The following TCF4 variants were observed in gnomAD, a reference collection of about 807,000 sequenced individuals.
The protein encoded by TCF4 is transcription factor 4, also known as SL3-3 enhancer factor 2.
In TCF4, 3 loss-of-function variants were observed where a neutral mutation model predicts 82.1. That is an observed-to-expected ratio of 0.04 (90% confidence interval 0.02 to 0.09). The LOEUF is 0.09. TCF4 is among the 10% of genes least tolerant of loss of function. TCF4 has a pLI of 1.00. For missense variants in TCF4, 518 were observed against 852.7 expected, an observed-to-expected ratio of 0.61 and a Z score of 4.89; for synonymous variants, 276 against 309.6, an observed-to-expected ratio of 0.89 and a Z score of 1.14.
intron 8 of TCF4, among the ~76,000 whole-genome samples, chr18:55,312,599 G>A (rs2072887329): frequency 6.6e-6 from 1 of 152,130 alleles, no homozygotes; most frequent in African/African-American, 2.4e-5. Context: ...CTTTCTTGGG[G>A]TTAATTAAGG....
At chr18:55,527,915 G>A (rs1358831882) in intron 3 of TCF4, among the ~76,000 whole-genome samples, 3 of 152,158 alleles carry the variant, frequency 2.0e-5, no homozygotes, top group Admixed American at 1.3e-4. Flanking sequence ...ATTGCACTGA[G>A]CCTGAACTAA....
At chr18:55,441,788 C>A (rs1250326325) in intron 5 of TCF4, among the ~76,000 whole-genome samples, 1 of 152,120 alleles carries the variant, frequency 6.6e-6, no homozygotes, top group Non-Finnish European at 1.5e-5. Context: ...TGCTACAAAG[C>A]AATATTGAGT....
chr18:55,563,831 G>A (rs1157591899), intron 3 of TCF4, among the ~76,000 whole-genome samples: 1 of 152,178 alleles, frequency 6.6e-6, no homozygotes, highest in African/African-American at 2.4e-5. Flanking sequence ...ATTTGCAAAT[G>A]CAAAAATTAT....
intron 3 of TCF4, among the ~76,000 whole-genome samples, chr18:55,475,715 C>G (rs537842239): frequency 2.6e-5 from 4 of 152,254 alleles, no homozygotes; most frequent in African/African-American, 9.6e-5. Context: ...GTTTTGACAG[C>G]CGCAGAAATG....
At chr18:55,382,726 A>T (rs2092115262) in intron 6 of TCF4, among the ~76,000 whole-genome samples, 1 of 152,238 alleles carries the variant, frequency 6.6e-6, no homozygotes, top group Admixed American at 6.5e-5. Context: ...AACAGAAATT[A>T]AATGTGTACT....
intron 3 of TCF4, among the ~76,000 whole-genome samples, chr18:55,571,651 T>C (rs1478730143): frequency 6.6e-6 from 1 of 152,102 alleles, no homozygotes; most frequent in African/African-American, 2.4e-5. Context: ...TAGCAGCCTG[T>C]GTAGAAAACA....
At chr18:55,388,901 A>G (rs1202528158) in intron 6 of TCF4, among the ~76,000 whole-genome samples, 1 of 152,082 alleles carries the variant, frequency 6.6e-6, no homozygotes, top group Non-Finnish European at 1.5e-5. Flanking sequence ...AGGCGGGTGG[A>G]TCACGAGGTC....
intron 3 of TCF4, among the ~76,000 whole-genome samples, chr18:55,491,331 T>C (rs2096574296): frequency 6.6e-6 from 1 of 152,050 alleles, no homozygotes; most frequent in Non-Finnish European, 1.5e-5. Context: ...GCCAAATATT[T>C]AAACAGGGGT....
intron 8 of TCF4, among the ~76,000 whole-genome samples, chr18:55,300,729 T>A (rs149074138): frequency 4.0e-4 from 61 of 152,044 alleles, no homozygotes; most frequent in East Asian, 3.1e-3. Flanking sequence ...CGCGGCACCC[T>A]CCTCCCTCCC....
intron 9 of TCF4, among the ~76,000 whole-genome samples, chr18:55,277,602 A>ATTTTTTT (rs11292069): frequency 2.5e-5 from 3 of 122,244 alleles, no homozygotes; most frequent in Non-Finnish European, 3.5e-5. Context: ...TGTCAACTCA[A>ATTTTTTT]TTTTTTTTTT....
intron 3 of TCF4, among the ~76,000 whole-genome samples, chr18:55,482,485 GGAGTA>G (rs997396905): frequency 2.6e-5 from 4 of 152,174 alleles, no homozygotes; most frequent in Admixed American, 2.0e-4. Flanking sequence ...CACTGGGGAA[GGAGTA>G]GAGTATACAG....
At chr18:55,505,314 GT>G (rs1185986039) in intron 3 of TCF4, among the ~76,000 whole-genome samples, 1 of 152,048 alleles carries the variant, frequency 6.6e-6, no homozygotes, top group Admixed American at 6.6e-5. Context: ...TAACTAAAGT[GT>G]CTAAAAAGCA....
chr18:55,279,690 T>G (rs775908542), intron 8 of TCF4, 34 bp from the exon 9 acceptor site: 4 of 1,613,526 alleles, frequency 2.5e-6, no homozygotes, highest in Non-Finnish European at 2.5e-6. Context: ...TTTTGCTTTT[T>G]GCATTGACCA....
At chr18:55,454,908 T>G (rs2144542914) in intron 5 of TCF4, among the ~76,000 whole-genome samples, 1 of 152,228 alleles carries the variant, frequency 6.6e-6, no homozygotes, top group Non-Finnish European at 1.5e-5. Context: ...AATTCTTGGC[T>G]GGGCGTGGTG....
intron 8 of TCF4, chr18:55,321,760 C>T (rs940486765): frequency 2.6e-5 from 39 of 1,526,134 alleles, no homozygotes; most frequent in Non-Finnish European, 3.2e-5. Context: ...CTTTTTTCTC[C>T]TCAGTACCAC....
chr18:55,269,620 G>A (rs958792056), intron 11 of TCF4: 2 of 628,792 alleles, frequency 3.2e-6, no homozygotes, highest in Non-Finnish European at 5.5e-6. Flanking sequence ...AACGTAGAAC[G>A]TAGCTAAATT....
rs896983930 is a variant in TCF4 at position 55,594,239 on chromosome 18, A to G, written c.287-7103T>C. 4.6e-5 allele frequency among the ~76,000 whole-genome samples: 7 copies of G among 152,262 alleles called. No homozygotes were observed. The East Asian group carries it at 1.4e-3, about 29-fold the overall frequency. ...GCTTAAACATCACCTCCTCCTACAG[A>G]CCTTCCTAACTATTCTGTCTAAAGT... On this transcript the variant is annotated intron_variant, in intron 2 of 20. Coordinates refer to the TCF4 transcript ENST00000398339.
At chr18:55,257,432 G>C in intron 13 of TCF4, 41 bp from the exon 14 acceptor site, 1 of 1,590,494 alleles carries the variant, frequency 6.3e-7, no homozygotes, top group Non-Finnish European at 8.6e-7. Flanking sequence ...CTAGACACAT[G>C]TAAAAAGACG....
At chr18:55,569,938 T>C (rs1280758057) in intron 3 of TCF4, among the ~76,000 whole-genome samples, 1 of 152,058 alleles carries the variant, frequency 6.6e-6, no homozygotes, top group Non-Finnish European at 1.5e-5. Flanking sequence ...GGCTCCACAA[T>C]AGCCCAAAGT....
Sources: gnomAD v4.1 joint callset for allele counts (sites outside exome capture counted in the v4.1 genomes callset) on GRCh38, gnomAD v4.1.1 for gene constraint, MANE v1.5 for transcripts, NCBI Gene and HGNC (gene_info 2026-07-23, HGNC 2026-07-21) for gene names.